GSK3B: variants seen among roughly 807,000 people sequenced by gnomAD.
The protein encoded by GSK3B is glycogen synthase kinase 3 beta, also known as glycogen synthase kinase-3 beta.
GSK3B carries 15 observed loss-of-function variants against 56.4 expected under a neutral mutation model. The observed-to-expected ratio is 0.27, with a 90% confidence interval of 0.18 to 0.41. The LOEUF is 0.41. Ranked by LOEUF, GSK3B falls within the 10% of genes least tolerant of loss-of-function variation. The pLI is 1.00. For missense variants in GSK3B, 300 were observed against 513.4 expected (o/e 0.58, Z 4.02); for synonymous variants, 181 against 188.9 (o/e 0.96, Z 0.34).
intron 1 of GSK3B, among the ~76,000 whole-genome samples, chr3:120,048,938 T>C (rs1032071302): frequency 3.7e-4 from 57 of 152,274 alleles, no homozygotes; most frequent in African/African-American, 1.1e-3. Context: ...AAACATTCAA[T>C]GAAAGTCAAT....
chr3:119,966,564 T>G (rs2057320182), intron 2 of GSK3B, among the ~76,000 whole-genome samples: 1 of 152,172 alleles, frequency 6.6e-6, no homozygotes, highest in Non-Finnish European at 1.5e-5. Flanking sequence ...CAAGTACAAG[T>G]ACCTTCAGGT....
chr3:119,880,808 G>T (rs2056371029), intron 7 of GSK3B, among the ~76,000 whole-genome samples: 1 of 152,162 alleles, frequency 6.6e-6, no homozygotes, highest in Non-Finnish European at 1.5e-5. Flanking sequence ...TGGTGAGAGG[G>T]TGAGGAGTGA....
intron 7 of GSK3B, among the ~76,000 whole-genome samples, 155 bp downstream of exon 7, chr3:119,905,600 C>G (rs1162547868): frequency 6.6e-6 from 1 of 152,006 alleles, no homozygotes; most frequent in Non-Finnish European, 1.5e-5. Flanking sequence ...GCTGGGGGGG[C>G]GTTCTTATAC....
intron 2 of GSK3B, among the ~76,000 whole-genome samples, chr3:119,984,494 A>G (rs1218161029): frequency 1.3e-5 from 2 of 152,166 alleles, no homozygotes; most frequent in Admixed American, 6.5e-5. Context: ...GAAAAGAGAG[A>G]AGAATCAAAT....
At chr3:119,888,293 G>C in intron 7 of GSK3B, among the ~76,000 whole-genome samples, 1 of 152,172 alleles carries the variant, frequency 6.6e-6, no homozygotes, top group East Asian at 1.9e-4. Context: ...AGCCACGGCA[G>C]AGGAACATAA....
intron 9 of GSK3B, among the ~76,000 whole-genome samples, chr3:119,848,969 A>G (rs1215064816): frequency 6.6e-6 from 1 of 152,192 alleles, no homozygotes; most frequent in African/African-American, 2.4e-5. Context: ...CTTGGTAGCT[A>G]TCTGGGTTCT....
chr3:120,058,812 C>T (rs942196745), intron 1 of GSK3B, among the ~76,000 whole-genome samples: 3 of 151,958 alleles, frequency 2.0e-5, no homozygotes, highest in African/African-American at 7.3e-5. Context: ...GAGTTCAAGA[C>T]CAGACTGGGC....
chr3:119,935,014 C>A (rs1477185695), intron 3 of GSK3B, among the ~76,000 whole-genome samples: 2 of 151,934 alleles, frequency 1.3e-5, no homozygotes, highest in Admixed American at 1.3e-4. Flanking sequence ...TCAAAAGAAA[C>A]TCCTAGATTA....
chr3:119,983,463 C>T (rs1305946191), intron 2 of GSK3B, among the ~76,000 whole-genome samples: 1 of 151,636 alleles, frequency 6.6e-6, no homozygotes. Context: ...GGAGACCCAT[C>T]TCATATGCAA....
At chr3:119,865,535 T>C (rs1300858533) in intron 8 of GSK3B, among the ~76,000 whole-genome samples, 2 of 141,792 alleles carry the variant, frequency 1.4e-5, no homozygotes, top group South Asian at 2.3e-4. Context: ...AGTGGCCCGA[T>C]CTTGGCTCAC....
chr3:120,013,626 C>T (rs1009289916), intron 1 of GSK3B, among the ~76,000 whole-genome samples: 5 of 152,086 alleles, frequency 3.3e-5, no homozygotes, highest in African/African-American at 1.2e-4. Context: ...CAGCACACCG[C>T]CCATGAATAC....
At chr3:119,915,060 G>C (rs892549250) in intron 5 of GSK3B, among the ~76,000 whole-genome samples, 2 of 152,028 alleles carry the variant, frequency 1.3e-5, no homozygotes, top group African/African-American at 4.8e-5. Flanking sequence ...GAGTTACATG[G>C]GAATGTAGGC....
chr3:119,891,133 G>A (rs1303047424), intron 7 of GSK3B, among the ~76,000 whole-genome samples: 1 of 151,854 alleles, frequency 6.6e-6, no homozygotes, highest in Non-Finnish European at 1.5e-5. Flanking sequence ...AAGAGGAAGG[G>A]ATTCAGGAAA....
At chr3:120,092,875 T>C (rs1324179918) in intron 1 of GSK3B, among the ~76,000 whole-genome samples, 1 of 152,226 alleles carries the variant, frequency 6.6e-6, no homozygotes, top group Non-Finnish European at 1.5e-5. Context: ...GGTGGGACAT[T>C]TAACGTCTCT....
chr3:120,066,984 T>C (rs2058286269), intron 1 of GSK3B, among the ~76,000 whole-genome samples: 1 of 152,068 alleles, frequency 6.6e-6, no homozygotes, highest in African/African-American at 2.4e-5. Flanking sequence ...CACAAATACA[T>C]GAATACTAAC....
At chr3:120,006,951 C>G (rs1234743975) in intron 1 of GSK3B, among the ~76,000 whole-genome samples, 1 of 149,596 alleles carries the variant, frequency 6.7e-6, no homozygotes, top group Non-Finnish European at 1.5e-5. Context: ...GAAAAAAAAC[C>G]TTCAAAAAAA....
intron 1 of GSK3B, among the ~76,000 whole-genome samples, chr3:120,034,678 C>T (rs1343741165): frequency 6.6e-6 from 1 of 152,112 alleles, no homozygotes; most frequent in East Asian, 1.9e-4. Context: ...TTTTGAGGGG[C>T]TATTCAGAGT....
chr3:120,055,448 T>C (rs2058184400), intron 1 of GSK3B, among the ~76,000 whole-genome samples: 1 of 152,230 alleles, frequency 6.6e-6, no homozygotes, highest in South Asian at 2.1e-4. Flanking sequence ...AAATATTCTT[T>C]TTTGGTTTAT....
chr3:120,063,371 T>A (rs528451528), intron 1 of GSK3B, among the ~76,000 whole-genome samples: 1 of 152,298 alleles, frequency 6.6e-6, no homozygotes, highest in South Asian at 2.1e-4. Flanking sequence ...AAGTATCTGG[T>A]CCCATCAAAC....
Sources: gnomAD v4.1 joint callset for allele counts (sites outside exome capture counted in the v4.1 genomes callset) on GRCh38, gnomAD v4.1.1 for gene constraint, MANE v1.5 for transcripts, NCBI Gene and HGNC (gene_info 2026-07-23, HGNC 2026-07-21) for gene names.